The following BCAT1 variants were observed in gnomAD, a reference collection of about 807,000 sequenced individuals.
The protein encoded by BCAT1 is branched-chain-amino-acid aminotransferase, cytosolic.
In BCAT1, 48 loss-of-function variants were observed where a neutral mutation model predicts 52.4. That is an observed-to-expected ratio of 0.92 (90% CI 0.73 to 1.16). The LOEUF is 1.16. Ranked by LOEUF, BCAT1 falls within the 50% of genes most tolerant of loss-of-function variation. The pLI is 0.00. For synonymous variants in BCAT1, 167 were observed against 161.3 expected, an observed-to-expected ratio of 1.04 and a Z score of -0.27; for missense variants, 451 against 457.1, an observed-to-expected ratio of 0.99 and a Z score of 0.12.
rs1387777767 is a variant in BCAT1 at position 24,813,415 on chromosome 12, G to A, written c.*4593C>T. 1 of 151,972 alleles carries A rather than the reference G, an allele frequency of 6.6e-6. No individual in the cohort carries two copies. Among genetic ancestry groups the A allele is most frequent in the Non-Finnish European group, 1.5e-5 (1 of 67,898 alleles). 9.4% of individuals were successfully genotyped at this position (151,972 alleles called of 1,614,324 possible). ...GAATAGCTGGATCCATCACCTTCAAGCTAATACTTTAAACAGCATGGTTCA... is the reference window on the plus strand; with the variant it reads ...GAATAGCTGGATCCATCACCTTCAAACTAATACTTTAAACAGCATGGTTCA... On this transcript the variant is annotated 3_prime_UTR_variant, in exon 11 of 11. Coordinates refer to ENST00000261192, the MANE Select transcript of BCAT1 (RefSeq NM_005504.7).
rs181920711 is a variant in BCAT1, at chr12:24,862,596, G to A, written c.511-12647C>T. ...GACTTGTGATGCATGCTGCATACAC[G>A]TTAGCCTACTATGTATGTGTGTGCC... On this transcript the variant is annotated intron_variant, in intron 5 of 10. Coordinates refer to ENST00000261192, the MANE Select transcript of BCAT1 (RefSeq NM_005504.7). Among the ~76,000 whole-genome samples the A allele has an allele frequency of 1.1e-3, 173 of 152,286 alleles. 1 individual carries two copies. Among genetic ancestry groups the A allele is most frequent in the Non-Finnish European group, 2.1e-3 (144 of 68,022 alleles).
chr12:24,866,005 C>T (rs955359678), intron 5 of BCAT1, among the ~76,000 whole-genome samples: 2 of 152,262 alleles, frequency 1.3e-5, no homozygotes, highest in Admixed American at 6.5e-5. Flanking sequence ...CCTGCCGCTG[C>T]ACTGTGGGAG....
intron 1 of BCAT1, among the ~76,000 whole-genome samples, chr12:24,929,418 A>G (rs1056021797): frequency 2.0e-5 from 3 of 152,234 alleles, no homozygotes; most frequent in Non-Finnish European, 4.4e-5. Context: ...AATATGCCAC[A>G]TCAGGATATG....
At position 24,813,347 on chromosome 12, in the gene BCAT1, C is replaced by G. The variant is rs1939756053; in HGVS notation, c.*4661G>C. On this transcript the variant is annotated 3_prime_UTR_variant, in exon 11 of 11. Coordinates refer to ENST00000261192, the MANE Select transcript of BCAT1 (RefSeq NM_005504.7). Reference sequence around the variant, plus strand: ...TTTATCTCTTTCCACACATTTAAGACCTCATACTGTGCAAAATCATGGTTA... The same window carrying G: ...TTTATCTCTTTCCACACATTTAAGAGCTCATACTGTGCAAAATCATGGTTA... 6.6e-6 allele frequency: 1 copy of G among 151,984 alleles called. No individual in the cohort carries two copies. The highest frequency in any genetic ancestry group is 2.4e-5 in the African/African-American group (1 of 41,428). 9.4% of individuals were successfully genotyped at this position (151,984 alleles called of 1,614,324 possible).
intron 5 of BCAT1, among the ~76,000 whole-genome samples, chr12:24,864,144 CAA>C (rs1565470450): frequency 6.6e-6 from 1 of 152,116 alleles, no homozygotes; most frequent in South Asian, 2.1e-4. Flanking sequence ...AAGACCATTA[CAA>C]AAAAAGTTTG....
rs1188781143 is a variant in BCAT1, at chr12:24,842,115, T to A, written c.784A>T (p.Asn262Tyr). The change falls in exon 7 of 11, where the codon AAT becomes TAT. Residue 262 changes from asparagine to tyrosine, a missense_variant. Asn to Tyr is a moderately radical substitution (Grantham distance 143). Coordinates refer to ENST00000261192, the MANE Select transcript of BCAT1 (RefSeq NM_005504.7). ...TCATTTATCCAGTAAAGAAAAAGAT[T>A]CATAGTTCCCACTTCAGTGATCTGA... Reference protein sequence around the residue: ...DHQITEVGTMNLFLYWINEDG... With the variant: ...DHQITEVGTMYLFLYWINEDG... 5.0e-6 allele frequency: 8 copies of A among 1,613,790 alleles called. No homozygotes were observed. The highest frequency in any genetic ancestry group is 6.8e-6 in the Non-Finnish European group (8 of 1,179,818).
chr12:24,898,733 C>G (rs1295081905), intron 2 of BCAT1, among the ~76,000 whole-genome samples: 3 of 151,800 alleles, frequency 2.0e-5, no homozygotes, highest in Non-Finnish European at 1.5e-5. Context: ...CCAGGCTAGT[C>G]TCAAACTCCT....
At chr12:24,942,318 A>T (rs914383081) in intron 1 of BCAT1, among the ~76,000 whole-genome samples, 1 of 152,140 alleles carries the variant, frequency 6.6e-6, no homozygotes, top group South Asian at 2.1e-4. Flanking sequence ...AGGCGGGCGG[A>T]TCACTTGAGG....
chr12:24,836,373 C>T (rs919637748), intron 8 of BCAT1, 138 bp downstream of exon 8: 16 of 744,016 alleles, frequency 2.2e-5, no homozygotes, highest in Middle Eastern at 2.8e-4. Flanking sequence ...TAGAAGAATA[C>T]TTTTCATTCA....
intron 5 of BCAT1, among the ~76,000 whole-genome samples, chr12:24,873,563 C>G (rs1316510760): frequency 6.6e-6 from 1 of 152,128 alleles, no homozygotes; most frequent in African/African-American, 2.4e-5. Flanking sequence ...TAGGCTATAC[C>G]TTATCCAAAA....
intron 5 of BCAT1, among the ~76,000 whole-genome samples, chr12:24,854,904 G>A (rs534378624): frequency 1.5e-4 from 23 of 152,022 alleles, no homozygotes; most frequent in Non-Finnish European, 3.1e-4. Flanking sequence ...GTTCCAACTG[G>A]TATCTAGCTT....
rs973195671 is a variant in BCAT1, at chr12:24,812,901, T to C, written c.*5107A>G. On this transcript the variant is annotated 3_prime_UTR_variant, in exon 11 of 11. Transcript: ENST00000261192. ...CTTACCATCCCAACAGTAGATTACA[T>C]AAACTGAACATCATGCAACTCAAGT... is the stretch of plus-strand genomic sequence containing the variant. 2.9e-4 allele frequency: 44 copies of C among 152,180 alleles called. No individual in the cohort carries two copies. Among genetic ancestry groups the C allele is most frequent in the African/African-American group, 1.1e-3 (44 of 41,574 alleles). The allele number at this position is 152,180 out of a possible 1,614,324, so 9.4% of individuals were successfully genotyped here.
Position 24,847,953 on chromosome 12 carries a change from T to A in BCAT1, c.674+1833A>T, listed in dbSNP as rs558886260. Among the ~76,000 whole-genome samples the A allele has an allele frequency of 1.2e-4, 18 of 152,204 alleles. 1 individual carries two copies. Among genetic ancestry groups the A allele is most frequent in the Admixed American group, 2.6e-4 (4 of 15,290 alleles). On this transcript the variant is annotated intron_variant, in intron 6 of 10. Transcript: ENST00000261192. ...TCTTTGCCAACTCAACAGGATAATA[T>A]TAAATGCGGAATATTTTGTTCCCCT... is the stretch of plus-strand genomic sequence containing the variant.
chr12:24,844,984 G>A (rs992452626), intron 6 of BCAT1, among the ~76,000 whole-genome samples: 12 of 151,342 alleles, frequency 7.9e-5, no homozygotes, highest in African/African-American at 2.7e-4. Flanking sequence ...AGGCTGAGGT[G>A]GGCAAGTTAC....
At chr12:24,856,947 C>G (rs772592502) in intron 5 of BCAT1, among the ~76,000 whole-genome samples, 1 of 152,148 alleles carries the variant, frequency 6.6e-6, no homozygotes, top group Non-Finnish European at 1.5e-5. Flanking sequence ...TCTCTGCCAT[C>G]CAGAGGGTGT....
intron 10 of BCAT1, among the ~76,000 whole-genome samples, chr12:24,820,829 T>C (rs200512802): frequency 1.4e-5 from 2 of 147,380 alleles, no homozygotes; most frequent in African/African-American, 2.5e-5. Context: ...TTCATACGGC[T>C]TTGCTAAATG....
chr12:24,832,732 G>C lies in BCAT1; in HGVS notation c.1035C>G (p.Tyr345Ter). Residue 345 changes from tyrosine to a stop codon, truncating the protein, a stop_gained, in exon 9 of 11, where the codon TAC becomes TAG. Transcript: ENST00000261192. LOFTEE classifies it high-confidence loss of function. ...CVVCPVSDIL[Y>*]KGETIHIPTM... Reference sequence around the variant, plus strand: ...GAAATACTTGTCGTACCTCGCCTTTGTACAGTATATCAGAAACTGGGCAAA... The same window carrying C: ...GAAATACTTGTCGTACCTCGCCTTTCTACAGTATATCAGAAACTGGGCAAA... The C allele has an allele frequency of 6.2e-7, 1 of 1,610,328 alleles. No homozygotes were observed. Among genetic ancestry groups the C allele is most frequent in the East Asian group, 2.2e-5 (1 of 44,802 alleles).
chr12:24,897,791 T>G lies in BCAT1; in HGVS notation c.79-3316A>C, dbSNP rs1942993663. 2.0e-5 allele frequency among the ~76,000 whole-genome samples: 3 copies of G among 152,150 alleles called. No individual in the cohort carries two copies. In the South Asian group the frequency reaches 6.2e-4, roughly 32 times the overall value. ...CTGGTCTCGAACTCCTGACCTCAGG[T>G]GACCCACCCACCTCGGCCTCTGAAA... On this transcript the variant is annotated intron_variant, in intron 2 of 10. Transcript: ENST00000261192.
chr12:24,861,101 A>G (rs1452509267), intron 5 of BCAT1, among the ~76,000 whole-genome samples: 1 of 152,220 alleles, frequency 6.6e-6, no homozygotes, highest in African/African-American at 2.4e-5. Context: ...TATGTTTCAG[A>G]AACTATGGTA....
Sources: allele counts gnomAD v4.1 joint callset (sites outside exome capture counted in the v4.1 genomes callset), GRCh38; gene constraint gnomAD v4.1.1; transcripts MANE v1.5; gene names NCBI Gene and HGNC (gene_info 2026-07-23, HGNC 2026-07-21).